Variants in TRAPPC10 observed in about 807,000 individuals in gnomAD.
The protein encoded by TRAPPC10 is trafficking protein particle complex subunit 10, also known as TRAPP 130 kDa subunit.
Under a neutral mutation model 125.5 loss-of-function variants are expected in TRAPPC10, and 23 were observed. That is an observed-to-expected ratio of 0.18 (90% confidence interval 0.13 to 0.26). TRAPPC10 has a LOEUF of 0.26. Ranked by LOEUF, TRAPPC10 falls within the 10% of genes least tolerant of loss-of-function variation. The pLI, the probability that TRAPPC10 is intolerant of heterozygous loss-of-function variation, is 1.00. For missense variants in TRAPPC10, 1,123 were observed against 1,308.4 expected (o/e 0.86, Z 2.19); for synonymous variants, 509 against 518.0 (o/e 0.98, Z 0.24).
chr21:44,014,460 C>G (rs544602933), intron 1 of TRAPPC10, among the ~76,000 whole-genome samples: 1 of 151,966 alleles, frequency 6.6e-6, no homozygotes, highest in Admixed American at 6.6e-5. Flanking sequence ...GTGGCATGAT[C>G]TCGGCCATGA....
intron 17 of TRAPPC10, 110 bp downstream of exon 17, chr21:44,088,038 C>T: frequency 1.1e-6 from 1 of 913,934 alleles, no homozygotes; most frequent in Non-Finnish European, 1.7e-6. Flanking sequence ...CTTCTGATTC[C>T]CGATGCCCTG....
chr21:44,063,311 T>C lies in TRAPPC10; in HGVS notation c.791-227T>C. 3 of 1,165,166 alleles carry C rather than the reference T, an allele frequency of 2.6e-6. No individual in the cohort carries two copies. The highest frequency in any genetic ancestry group is 3.0e-5 in the East Asian group (1 of 33,608). The allele number at this position is 1,165,166 out of a possible 1,614,324, so 72.2% of individuals were successfully genotyped here. ...CCTGTTCAGCTCCCGCCCATGACTT[T>C]CTGGGCATGGTAGGGTGGTGTGCCT... On this transcript the variant is annotated intron_variant, in intron 6 of 22. Transcript: ENST00000291574. This position sits in a 1 kb window ranked among gnomAD's most constrained non-coding sequence, Gnocchi z 4.4.
intron 2 of TRAPPC10, among the ~76,000 whole-genome samples, chr21:44,032,969 C>T (rs144091363): frequency 1.5e-3 from 233 of 152,222 alleles, no homozygotes; most frequent in African/African-American, 5.3e-3. Flanking sequence ...AAATTAGGAG[C>T]GAGGTTAGAT....
rs2038197045 is a variant in TRAPPC10, at chr21:44,087,205, G to A, written c.2539+245G>A. Among the ~76,000 whole-genome samples, 1 of 152,200 alleles carries A rather than the reference G, an allele frequency of 6.6e-6. No homozygotes were observed. The highest frequency in any genetic ancestry group is 2.4e-5 in the African/African-American group (1 of 41,448). On this transcript the variant is annotated intron_variant, in intron 16 of 22. Transcript: ENST00000291574. The surrounding 1 kb of genome is among the most constrained non-coding windows in gnomAD (Gnocchi z 4.6). ...TTGTCTGGCTGAGGATTAGGAGATGGGGGTCACGGCTGGGGTCACGTTCCA... is the reference window on the plus strand; with the variant it reads ...TTGTCTGGCTGAGGATTAGGAGATGAGGGTCACGGCTGGGGTCACGTTCCA...
chr21:44,046,810 C>T, intron 3 of TRAPPC10: 1 of 579,360 alleles, frequency 1.7e-6, no homozygotes, highest in South Asian at 1.8e-5. Flanking sequence ...ACCCGGCCAC[C>T]TTTAAGTCTT....
intron 3 of TRAPPC10, among the ~76,000 whole-genome samples, chr21:44,040,498 G>A (rs2034336014): frequency 6.6e-6 from 1 of 151,988 alleles, no homozygotes; most frequent in South Asian, 2.1e-4. Context: ...CATGCGCCCA[G>A]CTAATTTTTT....
At chr21:44,062,664 G>T (rs1387163386) in intron 6 of TRAPPC10, 4 of 985,282 alleles carry the variant, frequency 4.1e-6, no homozygotes, top group East Asian at 2.3e-4. Flanking sequence ...TGGGCCAGCG[G>T]GTCCACTCCA....
At chr21:44,076,692 A>G (rs2037308142) in intron 10 of TRAPPC10, 64 bp downstream of exon 10, 1 of 1,415,740 alleles carries the variant, frequency 7.1e-7, no homozygotes, top group Non-Finnish European at 1.0e-6. Flanking sequence ...GCTTTGCTAC[A>G]TGGCCTGTTG....
intron 2 of TRAPPC10, among the ~76,000 whole-genome samples, chr21:44,037,382 A>G (rs900099205): frequency 6.6e-6 from 1 of 152,226 alleles, no homozygotes; most frequent in Non-Finnish European, 1.5e-5. Context: ...GTTGTTCCAA[A>G]AATACGAATG....
intron 7 of TRAPPC10, among the ~76,000 whole-genome samples, chr21:44,072,538 A>T (rs2036954661): frequency 6.6e-6 from 1 of 152,078 alleles, no homozygotes. Context: ...ATCTTGGCTC[A>T]CCGCAACCTC....
intron 1 of TRAPPC10, among the ~76,000 whole-genome samples, chr21:44,030,740 T>C (rs563547371): frequency 6.6e-6 from 1 of 152,330 alleles, no homozygotes; most frequent in African/African-American, 2.4e-5. Flanking sequence ...AATGCTGGGA[T>C]TACAGGTGTG....
chr21:44,094,039 A>G, intron 19 of TRAPPC10, 24 bp from the exon 20 acceptor site: 1 of 1,605,936 alleles, frequency 6.2e-7, no homozygotes, highest in Non-Finnish European at 8.5e-7. Context: ...CTGTGTGAGC[A>G]GTGACCCCCA....
At chr21:44,083,646 A>G (rs986519403) in intron 14 of TRAPPC10, among the ~76,000 whole-genome samples, 3 of 152,202 alleles carry the variant, frequency 2.0e-5, no homozygotes, top group Non-Finnish European at 4.4e-5. Context: ...AAGGTGGTAC[A>G]CTTTCCCACT....
intron 3 of TRAPPC10, chr21:44,046,350 G>A: frequency 3.6e-6 from 1 of 276,906 alleles, no homozygotes; most frequent in Non-Finnish European, 7.7e-6. Flanking sequence ...GCATCCTTTA[G>A]ACAGTCCGCT....
Position 44,063,932 on chromosome 21 carries a change from T to C in TRAPPC10, c.1038+147T>C. ...TTTAATTTTCAGTATATTGTTTGCT[T>C]AGTTACTTTTTACGTTGATAAATTG... On this transcript the variant is annotated intron_variant, in intron 7 of 22. Coordinates refer to ENST00000291574, the MANE Select transcript of TRAPPC10 (RefSeq NM_003274.5). The surrounding 1 kb of genome is among the most constrained non-coding windows in gnomAD (Gnocchi z 4.4). The C allele has an allele frequency of 8.4e-7, 1 of 1,193,256 alleles. No individual in the cohort carries two copies. The highest frequency in any genetic ancestry group is 1.2e-6 in the Non-Finnish European group (1 of 866,342). 73.9% of individuals were successfully genotyped at this position (1,193,256 alleles called of 1,614,324 possible). A position where few individuals can be genotyped will look rare whatever the true frequency, so the allele number is the denominator to read the frequency against.
chr21:44,038,018 G>A (rs1055271967), intron 3 of TRAPPC10, 91 bp downstream of exon 3: 4 of 1,514,330 alleles, frequency 2.6e-6, no homozygotes, highest in South Asian at 2.5e-5. Flanking sequence ...GGAAGAGGAC[G>A]CGTGGTGGGG....
chr21:44,026,863 G>A (rs2033121562), intron 1 of TRAPPC10, among the ~76,000 whole-genome samples: 1 of 152,024 alleles, frequency 6.6e-6, no homozygotes, highest in South Asian at 2.1e-4. Context: ...CCACCCTCAG[G>A]GTCTTCTCTC....
chr21:44,042,613 T>C (rs1039832854), intron 3 of TRAPPC10, among the ~76,000 whole-genome samples: 2 of 152,250 alleles, frequency 1.3e-5, no homozygotes, highest in African/African-American at 4.8e-5. Flanking sequence ...TGTTTCCAGA[T>C]TGTAATGTTA....
At chr21:44,081,319 C>G (rs570183044) in intron 13 of TRAPPC10, among the ~76,000 whole-genome samples, 2 of 152,150 alleles carry the variant, frequency 1.3e-5, no homozygotes, top group East Asian at 1.9e-4. Context: ...TACCACCATG[C>G]CTGGCTAATT....
Sources: allele counts gnomAD v4.1 joint callset (sites outside exome capture counted in the v4.1 genomes callset), GRCh38; gene constraint gnomAD v4.1.1; non-coding constraint Gnocchi (gnomAD v3.1); transcripts MANE v1.5; gene names NCBI Gene and HGNC (gene_info 2026-07-23, HGNC 2026-07-21).